The following NT5C1B variants were observed in gnomAD, a reference collection of about 807,000 sequenced individuals.
NT5C1B encodes the protein 5'-nucleotidase, cytosolic IB, also known as cytosolic 5'-nucleotidase 1B.
NT5C1B carries 44 observed loss-of-function variants against 57.8 expected under a neutral mutation model. The ratio of observed to expected loss-of-function variants is 0.76; its 90% CI spans 0.60 to 0.98. The LOEUF (loss-of-function observed/expected upper bound fraction) is 0.98. NT5C1B is among the 50% of genes least tolerant of loss of function. The pLI is 0.00. For synonymous variants in NT5C1B, 284 were observed against 282.6 expected, an observed-to-expected ratio of 1.00 and a Z score of -0.05; for missense variants, 742 against 719.5, an observed-to-expected ratio of 1.03 and a Z score of -0.36.
In NT5C1B at chr2:18,564,132, C is replaced by T. The variant is rs139744139; in HGVS notation, c.1330-13G>A. 505 of 1,540,950 alleles carry T rather than the reference C, an allele frequency of 3.3e-4. 9 individuals carry two copies. In the East Asian group the frequency reaches 0.011, roughly 35 times the overall value. ...CTTTTAGGGGACCCTGTAAAAGGAACATATATCACAGCTGTGATACAGTGA... is the reference window on the plus strand; with the variant it reads ...CTTTTAGGGGACCCTGTAAAAGGAATATATATCACAGCTGTGATACAGTGA... On this transcript the variant is annotated splice_polypyrimidine_tract_variant and intron_variant, in intron 8 of 8. Coordinates refer to ENST00000304081, the Ensembl canonical transcript of NT5C1B.
chr2:18,584,145 A>G lies in NT5C1B; in HGVS notation c.834T>C (p.Tyr278=). 6.2e-7 allele frequency: 1 copy of G among 1,614,128 alleles called. No individual in the cohort carries two copies. The highest frequency in any genetic ancestry group is 8.5e-7 in the Non-Finnish European group (1 of 1,180,040). Residue 278 remains tyrosine, a synonymous_variant, in exon 5 of 9, where the codon TAT becomes TAC. Transcript: ENST00000304081. This position sits in a 1 kb window ranked among gnomAD's most constrained non-coding sequence, Gnocchi z 5.8. Reference sequence around the variant, plus strand: ...GGATGACGTTCTCATTGGTGAGCTGATACTCCATGTACTTTTCCAGACCCT... The same window carrying G: ...GGATGACGTTCTCATTGGTGAGCTGGTACTCCATGTACTTTTCCAGACCCT...
rs1418624726 is a variant in NT5C1B at position 18,572,110 on chromosome 2, C to T, written c.1329+4074G>A. 1.5e-4 allele frequency among the ~76,000 whole-genome samples: 21 copies of T among 143,860 alleles called. No homozygotes were observed. In the East Asian group the frequency reaches 3.3e-3, roughly 22 times the overall value. The allele number at this position is 143,860 out of a possible 152,430, so 94.4% of individuals were successfully genotyped here. On this transcript the variant is annotated intron_variant, in intron 8 of 8. Coordinates refer to ENST00000304081, the Ensembl canonical transcript of NT5C1B. ...AAAAAAAAAAAAAAAAAAAGAACTA[C>T]TATAAAACTACAATAATCAAGACAA...
chr2:18,574,415 A>G (rs866122756), intron 8 of NT5C1B, among the ~76,000 whole-genome samples: 4 of 152,304 alleles, frequency 2.6e-5, no homozygotes, highest in Middle Eastern at 3.4e-3. Context: ...AGAAAACAGA[A>G]TGGAAGTTTT....
intron 6 of NT5C1B, among the ~76,000 whole-genome samples, chr2:18,578,278 A>G (rs1665884223): frequency 1.3e-5 from 2 of 152,092 alleles, no homozygotes; most frequent in African/African-American, 2.4e-5. Context: ...TATTAGGTCA[A>G]CATAACTCTG....
intron 8 of NT5C1B, among the ~76,000 whole-genome samples, chr2:18,574,471 C>T (rs1384489147): frequency 6.6e-6 from 1 of 152,038 alleles, no homozygotes; most frequent in Non-Finnish European, 1.5e-5. Flanking sequence ...TCAGTAATCC[C>T]ACTGTTGAGT....
At chr2:18,587,008 T>A (rs1395885857) in intron 2 of NT5C1B, 1 of 1,614,204 alleles carries the variant, frequency 6.2e-7, no homozygotes. Flanking sequence ...ATCATGGTGA[T>A]CTGCTGGCCC....
chr2:18,573,467 C>T (rs934735060), intron 8 of NT5C1B, among the ~76,000 whole-genome samples: 2 of 151,686 alleles, frequency 1.3e-5, no homozygotes, highest in Admixed American at 6.6e-5. Flanking sequence ...CACACACAAA[C>T]ATACACACAC....
intron 6 of NT5C1B, among the ~76,000 whole-genome samples, chr2:18,579,524 A>G (rs7594728): frequency 0.12 from 18,073 of 152,232 alleles, 1,695 homozygotes; most frequent in African/African-American, 0.25. Context: ...AAGTCAAGAA[A>G]AACATGCAAT....
In NT5C1B at chr2:18,584,577, A is replaced by C. The variant is rs746118589; in HGVS notation, c.660T>G (p.Ala220=). Reference sequence around the variant, plus strand: ...ACGACCTCATGGATGCCCAGTAGGCAGCCTCGTAGTCGTCCTCGTCCTCCC... The same window carrying C: ...ACGACCTCATGGATGCCCAGTAGGCCGCCTCGTAGTCGTCCTCGTCCTCCC... The change falls in exon 4 of 9, where the codon GCT becomes GCG. Residue 220 remains alanine, a synonymous_variant. Coordinates refer to ENST00000304081, the Ensembl canonical transcript of NT5C1B. This position sits in a 1 kb window ranked among gnomAD's most constrained non-coding sequence, Gnocchi z 5.8. The C allele has an allele frequency of 1.2e-5, 20 of 1,612,692 alleles. No individual in the cohort carries two copies. The African/African-American group carries it at 2.3e-4, about 18-fold the overall frequency.
intron 6 of NT5C1B, among the ~76,000 whole-genome samples, chr2:18,577,320 C>G (rs573700619): frequency 6.7e-6 from 1 of 148,178 alleles, no homozygotes; most frequent in Admixed American, 6.9e-5. Flanking sequence ...GGTACTTTTT[C>G]TTGAACTACA....
chr2:18,584,928 C>A lies in NT5C1B; in HGVS notation c.309G>T (p.Leu103=). ...ACAGCGGCGGCGGTGAGGAGTCATGCAGGCTTGGGGAGGTGGATGGAGTCC... is the reference window on the plus strand; with the variant it reads ...ACAGCGGCGGCGGTGAGGAGTCATGAAGGCTTGGGGAGGTGGATGGAGTCC... The change falls in exon 4 of 9, where the codon CTG becomes CTT. Residue 103 remains leucine, a synonymous_variant. Transcript: ENST00000304081. This position sits in a 1 kb window ranked among gnomAD's most constrained non-coding sequence, Gnocchi z 5.8. 1 of 1,545,338 alleles carries A rather than the reference C, an allele frequency of 6.5e-7. No homozygotes were observed. Among genetic ancestry groups the A allele is most frequent in the South Asian group, 1.2e-5 (1 of 82,086 alleles).
At chr2:18,572,018 G>A (rs1371928180) in intron 8 of NT5C1B, among the ~76,000 whole-genome samples, 3 of 147,748 alleles carry the variant, frequency 2.0e-5, no homozygotes, top group Non-Finnish European at 4.5e-5. Context: ...CCCGGGAGGC[G>A]AAGGTTGCAG....
exon 6 of NT5C1B, chr2:18,582,922 T>C (rs1666309669): frequency 1.9e-6 from 3 of 1,613,956 alleles, no homozygotes; most frequent in Admixed American, 3.3e-5. Context: ...TGGTTATTAG[T>C]CATCAGTACA....
At chr2:18,571,254 C>G (rs1665124377) in intron 8 of NT5C1B, among the ~76,000 whole-genome samples, 1 of 152,034 alleles carries the variant, frequency 6.6e-6, no homozygotes, top group African/African-American at 2.4e-5. Context: ...TAGTCACAGT[C>G]AACATTATTG....
At chr2:18,578,975 T>C (rs1006495495) in intron 6 of NT5C1B, among the ~76,000 whole-genome samples, 1 of 152,132 alleles carries the variant, frequency 6.6e-6, no homozygotes, top group East Asian at 1.9e-4. Context: ...GCAAAATCAG[T>C]AGCATTTCTA....
intron 5 of NT5C1B, chr2:18,583,584 A>G (rs1666377960): frequency 2.8e-5 from 9 of 327,234 alleles, no homozygotes; most frequent in South Asian, 2.1e-4. Context: ...ATTGTGTAAT[A>G]TTTATATAAG....
In NT5C1B at chr2:18,584,961, C is replaced by A; in HGVS notation, c.276G>T (p.Thr92=). ...GGGAGGTGGATGGAGTCCGGGAGCT[C>A]GTGGAGCTGCTGGGGAGCTGCAGCA... The change falls in exon 4 of 9, where the codon ACG becomes ACT. Residue 92 remains threonine, a synonymous_variant. Coordinates refer to ENST00000304081, the Ensembl canonical transcript of NT5C1B. This position sits in a 1 kb window ranked among gnomAD's most constrained non-coding sequence, Gnocchi z 5.8. 6.5e-7 allele frequency: 1 copy of A among 1,542,440 alleles called. No individual in the cohort carries two copies. Among genetic ancestry groups the A allele is most frequent in the South Asian group, 1.2e-5 (1 of 81,022 alleles).
At chr2:18,585,845 TA>T (rs2148177721) in intron 3 of NT5C1B, among the ~76,000 whole-genome samples, 1 of 152,236 alleles carries the variant, frequency 6.6e-6, no homozygotes, top group Non-Finnish European at 1.5e-5. Context: ...CTTTTTTTTT[TA>T]ATTGCTTATG....
chr2:18,576,612 T>C (rs1357567361), intron 7 of NT5C1B, among the ~76,000 whole-genome samples, 161 bp downstream of exon 7: 3 of 152,146 alleles, frequency 2.0e-5, no homozygotes, highest in Non-Finnish European at 4.4e-5. Flanking sequence ...TCCAGGAAAG[T>C]CAAAGCTCTA....
Sources: gnomAD v4.1 joint callset for allele counts (sites outside exome capture counted in the v4.1 genomes callset) on GRCh38, gnomAD v4.1.1 for gene constraint, Gnocchi (gnomAD v3.1) non-coding constraint, MANE v1.5 for transcripts, NCBI Gene and HGNC (gene_info 2026-07-23, HGNC 2026-07-21) for gene names.